The following AKAP19 variants were observed in gnomAD, a reference collection of about 807,000 sequenced individuals.
AKAP19 encodes A-kinase anchoring protein 19.
the AKAP19 span, chr2:189,924,342 T>G: frequency 4.1e-3 from 3,716 of 896,712 alleles, 64 homozygotes; most frequent in African/African-American, 0.04. Context: ...TTCCCCATCC[T>G]TGTCCTTCCC....
the AKAP19 span, among the ~76,000 whole-genome samples, chr2:190,123,563 A>C: frequency 6.6e-6 from 1 of 152,184 alleles, no homozygotes; most frequent in Admixed American, 6.5e-5. Flanking sequence ...TTTTCAGAAA[A>C]TGTCAAATTA....
At chr2:189,994,697 C>T in the AKAP19 span, among the ~76,000 whole-genome samples, 1 of 152,006 alleles carries the variant, frequency 6.6e-6, no homozygotes, top group East Asian at 1.9e-4. Context: ...CTCCTGGGTT[C>T]AAGCAATTCT....
chr2:189,975,683 T>A, the AKAP19 span, among the ~76,000 whole-genome samples: 1 of 152,202 alleles, frequency 6.6e-6, no homozygotes, highest in Non-Finnish European at 1.5e-5. Context: ...TTCATTTCTT[T>A]TTACTCTTTT....
the AKAP19 span, among the ~76,000 whole-genome samples, chr2:190,004,471 T>C: frequency 4.3e-5 from 4 of 93,430 alleles, no homozygotes; most frequent in East Asian, 1.4e-3. Context: ...TATCTCTACC[T>C]TATCACCTAT....
the AKAP19 span, among the ~76,000 whole-genome samples, chr2:189,944,000 G>A: frequency 6.6e-6 from 1 of 152,178 alleles, no homozygotes; most frequent in Non-Finnish European, 1.5e-5. Context: ...CCTTGTCTCA[G>A]AAGAGACTTT....
the AKAP19 span, among the ~76,000 whole-genome samples, chr2:190,155,672 T>C: frequency 6.6e-6 from 1 of 152,180 alleles, no homozygotes; most frequent in Non-Finnish European, 1.5e-5. Flanking sequence ...ATAACTTCAA[T>C]TTTTTTAATG....
the AKAP19 span, among the ~76,000 whole-genome samples, chr2:189,944,914 TA>T: frequency 6.6e-6 from 1 of 151,888 alleles, no homozygotes; most frequent in East Asian, 1.9e-4. Flanking sequence ...CACCATGGAA[TA>T]AAACTAGAAA....
chr2:189,913,395 A>T, the AKAP19 span, among the ~76,000 whole-genome samples: 1 of 152,106 alleles, frequency 6.6e-6, no homozygotes, highest in Non-Finnish European at 1.5e-5. Flanking sequence ...TAGATTAAAA[A>T]TTATCCAGAT....
chr2:189,895,711 C>A, the AKAP19 span, among the ~76,000 whole-genome samples: 1 of 151,952 alleles, frequency 6.6e-6, no homozygotes, highest in African/African-American at 2.4e-5. Context: ...TAAAGGTTTT[C>A]AACATTGGAA....
chr2:189,882,369 C>G, the AKAP19 span, among the ~76,000 whole-genome samples: 242 of 152,252 alleles, frequency 1.6e-3, no homozygotes, highest in African/African-American at 5.8e-3. Flanking sequence ...TCAGAAGGTC[C>G]TTACGACGTG....
chr2:190,027,303 G>A, the AKAP19 span, among the ~76,000 whole-genome samples: 1 of 152,138 alleles, frequency 6.6e-6, no homozygotes, highest in African/African-American at 2.4e-5. Context: ...CTATGTACTA[G>A]AGATCAAACT....
At chr2:189,892,097 C>T in the AKAP19 span, among the ~76,000 whole-genome samples, 1 of 151,780 alleles carries the variant, frequency 6.6e-6, no homozygotes, top group Admixed American at 6.6e-5. Context: ...CATTTATGTT[C>T]TTCTCTAAAC....
the AKAP19 span, among the ~76,000 whole-genome samples, chr2:190,030,392 A>G: frequency 6.6e-6 from 1 of 152,198 alleles, no homozygotes; most frequent in Non-Finnish European, 1.5e-5. Context: ...TGTTTCTGTT[A>G]CTGCCAGCTT....
At chr2:190,038,065 T>C in the AKAP19 span, among the ~76,000 whole-genome samples, 1 of 152,136 alleles carries the variant, frequency 6.6e-6, no homozygotes, top group Non-Finnish European at 1.5e-5. Flanking sequence ...TTGAGATGGT[T>C]TGTTTTGCTT....
At chr2:190,127,026 A>C in the AKAP19 span, among the ~76,000 whole-genome samples, 3,699 of 152,168 alleles carry the variant, frequency 0.024, 71 homozygotes, top group Non-Finnish European at 0.037. Flanking sequence ...AGAGCACCCA[A>C]AGAGGGATGT....
the AKAP19 span, among the ~76,000 whole-genome samples, chr2:190,097,859 C>CAAAAAAAAAAAAAAA: frequency 2.2e-4 from 14 of 64,330 alleles, no homozygotes; most frequent in East Asian, 4.0e-4. Context: ...TGGTTTCTAC[C>CAAAAAAAAAAAAAAA]AAAAAAAAAA....
chr2:190,115,902 G>A, the AKAP19 span, among the ~76,000 whole-genome samples: 11 of 152,098 alleles, frequency 7.2e-5, no homozygotes, highest in Admixed American at 1.3e-4. Context: ...CTTGCTTTCC[G>A]TCTTCCTGAG....
chr2:190,173,981 T>G, the AKAP19 span, among the ~76,000 whole-genome samples: 4 of 152,096 alleles, frequency 2.6e-5, no homozygotes, highest in African/African-American at 9.7e-5. Flanking sequence ...AGTCACCTGC[T>G]CTGTCCTTAG....
chr2:190,057,218 C>T, the AKAP19 span: 5 of 1,610,618 alleles, frequency 3.1e-6, no homozygotes, highest in African/African-American at 2.7e-5. Context: ...AGGGGAAAAC[C>T]TTCCATGTTT....
Sources: gnomAD v4.1 joint callset for allele counts (sites outside exome capture counted in the v4.1 genomes callset) on GRCh38, gnomAD v4.1.1 for gene constraint, MANE v1.5 for transcripts, NCBI Gene and HGNC (gene_info 2026-07-23, HGNC 2026-07-21) for gene names.